Variants in WWOX observed in about 807,000 individuals in gnomAD.
WWOX encodes WW domain containing oxidoreductase.
In WWOX, 69 loss-of-function variants were observed where a neutral mutation model predicts 46.2. That is an observed-to-expected ratio of 1.49 (90% CI 1.23 to 1.82). The LOEUF (loss-of-function observed/expected upper bound fraction) is 1.82, where lower values mean the gene tolerates loss of function less well. Ranked by LOEUF, WWOX falls within the 40% of genes most tolerant of loss-of-function variation. The pLI is 0.00. For synonymous variants in WWOX, 359 were observed against 202.6 expected, an observed-to-expected ratio of 1.77 and a Z score of -6.56; for missense variants, 919 against 542.6, an observed-to-expected ratio of 1.69 and a Z score of -6.89.
At chr16:78,663,881 G>C (rs927695136) in intron 8 of WWOX, among the ~76,000 whole-genome samples, 3 of 152,200 alleles carry the variant, frequency 2.0e-5, no homozygotes, top group South Asian at 2.1e-4. Context: ...GTTCAAGGGA[G>C]AGTAAGTGGT....
chr16:78,892,656 A>G (rs1003388408), intron 8 of WWOX, among the ~76,000 whole-genome samples: 1 of 152,198 alleles, frequency 6.6e-6, no homozygotes, highest in African/African-American at 2.4e-5. Context: ...CAAAAGCAAA[A>G]CAATTAGGCC....
At chr16:78,841,973 C>A (rs977033383) in intron 8 of WWOX, among the ~76,000 whole-genome samples, 3 of 152,052 alleles carry the variant, frequency 2.0e-5, no homozygotes, top group African/African-American at 7.3e-5. Flanking sequence ...GGACACCCAG[C>A]TATTCTCTGG....
In WWOX at chr16:78,876,632, T is replaced by C. The variant is rs542101957; in HGVS notation, c.1057-334976T>C. ...ATAATTTTCAAAGTACTGCTTTCTC[T>C]AGAGATCTCTAAAAGGCAGAAGTTC... On this transcript the variant is annotated intron_variant, in intron 8 of 8. Coordinates refer to ENST00000566780, the MANE Select transcript of WWOX (RefSeq NM_016373.4). 1.4e-4 allele frequency among the ~76,000 whole-genome samples: 21 copies of C among 152,336 alleles called. No homozygotes were observed. The East Asian group carries it at 4.0e-3, about 29-fold the overall frequency.
intron 8 of WWOX, among the ~76,000 whole-genome samples, chr16:78,468,223 A>G (rs1435130716): frequency 6.7e-6 from 1 of 149,048 alleles, no homozygotes; most frequent in Non-Finnish European, 1.5e-5. Flanking sequence ...TGGAGACCTG[A>G]TATGCTTTGT....
intron 8 of WWOX, among the ~76,000 whole-genome samples, chr16:78,727,984 C>T (rs1004684195): frequency 2.7e-5 from 4 of 147,748 alleles, no homozygotes; most frequent in Admixed American, 6.8e-5. Flanking sequence ...TTTATTAATT[C>T]GTTTATAAGT....
In WWOX at chr16:79,127,403, A is replaced by G. The variant is rs143440485; in HGVS notation, c.1057-84205A>G. ...CACCTTGCTCTTTTTGCTTGACAAT[A>G]TATCTTAGAGATGGTTCTAAATCAG... On this transcript the variant is annotated intron_variant, in intron 8 of 8. Transcript: ENST00000566780. Among the ~76,000 whole-genome samples the G allele has an allele frequency of 5.9e-5, 9 of 152,282 alleles. No homozygotes were observed. In the East Asian group the frequency reaches 1.4e-3, roughly 23 times the overall value.
intron 8 of WWOX, among the ~76,000 whole-genome samples, chr16:78,947,006 C>T (rs1407421001): frequency 1.3e-5 from 2 of 151,770 alleles, no homozygotes; most frequent in South Asian, 2.1e-4. Flanking sequence ...GACTTTGTTC[C>T]CCCTCAGTCT....
At chr16:78,634,621 A>G (rs2046519822) in intron 8 of WWOX, among the ~76,000 whole-genome samples, 1 of 151,514 alleles carries the variant, frequency 6.6e-6, no homozygotes, top group South Asian at 2.1e-4. Context: ...CAGGAGAATC[A>G]TTTGAACCCA....
At chr16:78,877,572 C>T (rs564243644) in intron 8 of WWOX, among the ~76,000 whole-genome samples, 3 of 152,188 alleles carry the variant, frequency 2.0e-5, no homozygotes, top group African/African-American at 7.2e-5. Flanking sequence ...CTTTGTATTC[C>T]TTGTGGCACT....
intron 5 of WWOX, among the ~76,000 whole-genome samples, chr16:78,202,547 C>T (rs561671145): frequency 6.6e-6 from 1 of 152,306 alleles, no homozygotes; most frequent in East Asian, 1.9e-4. Context: ...ATCTGTTTGT[C>T]AGATCAGTTT....
chr16:78,634,862 G>A (rs1249561632), intron 8 of WWOX, among the ~76,000 whole-genome samples: 1 of 151,890 alleles, frequency 6.6e-6, no homozygotes, highest in Non-Finnish European at 1.5e-5. Context: ...GTGTGTGTGT[G>A]TGTGTGTGTG....
intron 8 of WWOX, among the ~76,000 whole-genome samples, chr16:78,769,862 TA>T (rs1037040070): frequency 1.3e-5 from 2 of 150,674 alleles, no homozygotes; most frequent in African/African-American, 4.9e-5. Context: ...AAAAATAAAA[TA>T]AAAAAATAAA....
chr16:78,490,341 A>G (rs985304063), intron 8 of WWOX, among the ~76,000 whole-genome samples: 2 of 152,168 alleles, frequency 1.3e-5, no homozygotes, highest in Non-Finnish European at 2.9e-5. Context: ...CAATCAGTCT[A>G]TTTTAAAGGG....
intron 8 of WWOX, among the ~76,000 whole-genome samples, chr16:78,762,321 T>A (rs981663970): frequency 1.1e-4 from 16 of 152,174 alleles, no homozygotes; most frequent in African/African-American, 3.4e-4. Flanking sequence ...GAGAGCTTGC[T>A]GGAGGTACAG....
intron 8 of WWOX, among the ~76,000 whole-genome samples, chr16:78,595,099 T>G (rs1173825624): frequency 1.3e-5 from 2 of 152,190 alleles, no homozygotes; most frequent in African/African-American, 4.8e-5. Context: ...GAGGCTGTGT[T>G]AGCAGAGGCA....
At chr16:78,770,966 C>G (rs761115766) in intron 8 of WWOX, among the ~76,000 whole-genome samples, 83 of 152,188 alleles carry the variant, frequency 5.5e-4, no homozygotes, top group Admixed American at 1.0e-3. Flanking sequence ...GAAGACCTCT[C>G]TAAAAAGGTG....
intron 8 of WWOX, among the ~76,000 whole-genome samples, chr16:79,129,656 C>T (rs1463902848): frequency 6.6e-6 from 1 of 152,144 alleles, no homozygotes; most frequent in Non-Finnish European, 1.5e-5. Context: ...ACATTAGTTG[C>T]ATCCCAACAT....
intron 8 of WWOX, among the ~76,000 whole-genome samples, chr16:78,584,299 A>C (rs2045139469): frequency 6.6e-6 from 1 of 152,218 alleles, no homozygotes; most frequent in African/African-American, 2.4e-5. Flanking sequence ...TGGAGTCATG[A>C]GTCAAAGATG....
intron 5 of WWOX, among the ~76,000 whole-genome samples, chr16:78,299,379 A>G (rs1172714748): frequency 2.6e-5 from 4 of 152,178 alleles, no homozygotes; most frequent in African/African-American, 7.2e-5. Flanking sequence ...GATTACCTAC[A>G]TTTATTAATG....
Sources: allele counts gnomAD v4.1 joint callset (sites outside exome capture counted in the v4.1 genomes callset), GRCh38; gene constraint gnomAD v4.1.1; transcripts MANE v1.5; gene names NCBI Gene and HGNC (gene_info 2026-07-23, HGNC 2026-07-21).